FAM184B: variants seen among roughly 807,000 people sequenced by gnomAD.
FAM184B encodes the protein protein FAM184B.
FAM184B carries 111 observed loss-of-function variants against 135.9 expected under a neutral mutation model. The ratio of observed to expected loss-of-function variants is 0.82; its 90% CI spans 0.70 to 0.96. The LOEUF is 0.96. Ranked by LOEUF, FAM184B falls within the 40% of genes least tolerant of loss-of-function variation. The pLI is 0.00. For synonymous variants in FAM184B, 552 were observed against 524.8 expected, an observed-to-expected ratio of 1.05 and a Z score of -0.71; for missense variants, 1,375 against 1,323.9, an observed-to-expected ratio of 1.04 and a Z score of -0.60.
At chr4:17,637,077 A>G (rs1446764571) in intron 14 of FAM184B, among the ~76,000 whole-genome samples, 1 of 151,940 alleles carries the variant, frequency 6.6e-6, no homozygotes, top group African/African-American at 2.4e-5. Flanking sequence ...CCCAGGCTGC[A>G]GTGCAATGGC....
intron 1 of FAM184B, among the ~76,000 whole-genome samples, chr4:17,730,075 C>T (rs28844580): frequency 0.24 from 36,718 of 152,004 alleles, 5,015 homozygotes; most frequent in East Asian, 0.56. Context: ...CTTAAAGGAG[C>T]TAATGGAGCT....
chr4:17,767,199 C>T (rs979221383), intron 1 of FAM184B, among the ~76,000 whole-genome samples: 1 of 152,180 alleles, frequency 6.6e-6, no homozygotes, highest in Non-Finnish European at 1.5e-5. Flanking sequence ...CTGCACACCT[C>T]GTGGCAAGCA....
intron 1 of FAM184B, among the ~76,000 whole-genome samples, chr4:17,771,188 C>A (rs1349579273): frequency 6.6e-6 from 1 of 152,156 alleles, no homozygotes; most frequent in Non-Finnish European, 1.5e-5. Context: ...TCCACAGCAG[C>A]TGCATCATTT....
chr4:17,636,959 G>A (rs1168101697), intron 14 of FAM184B, among the ~76,000 whole-genome samples: 1 of 152,180 alleles, frequency 6.6e-6, no homozygotes, highest in African/African-American at 2.4e-5. Flanking sequence ...ATGTCCCGTA[G>A]GTTCTCTTAA....
rs1439728963 is a variant in FAM184B at position 17,768,657 on chromosome 4, A to ATT, written c.141+12501_141+12502insAA. 3.5e-3 allele frequency among the ~76,000 whole-genome samples: 537 copies of ATT among 152,270 alleles called. 8 individuals carry two copies. Among genetic ancestry groups the ATT allele is most frequent in the African/African-American group, 0.012 (506 of 41,554 alleles). ...ATGGTTTTCAGTTTTCAATTATCCA[A>ATT]AATGTCCAAATGACGTCGAATAAGA... is the stretch of plus-strand genomic sequence containing the variant. On this transcript the variant is annotated intron_variant, in intron 1 of 17. Coordinates refer to ENST00000265018, the MANE Select transcript of FAM184B (RefSeq NM_015688.2).
intron 1 of FAM184B, among the ~76,000 whole-genome samples, chr4:17,744,854 G>A (rs1465949108): frequency 2.0e-5 from 3 of 152,178 alleles, no homozygotes. Flanking sequence ...GTCTGATAGA[G>A]CCAGCTTGGG....
intron 7 of FAM184B, among the ~76,000 whole-genome samples, chr4:17,670,936 A>G (rs1420271392): frequency 2.0e-5 from 3 of 152,236 alleles, no homozygotes; most frequent in Non-Finnish European, 4.4e-5. Context: ...CATGTTGTGC[A>G]AATACCAAGT....
At chr4:17,728,477 A>C (rs1717694017) in intron 1 of FAM184B, among the ~76,000 whole-genome samples, 1 of 152,206 alleles carries the variant, frequency 6.6e-6, no homozygotes, top group South Asian at 2.1e-4. Context: ...GACTGCTGTG[A>C]GTTAAAGTAT....
intron 1 of FAM184B, among the ~76,000 whole-genome samples, chr4:17,750,810 G>T (rs1718273193): frequency 6.6e-6 from 1 of 152,002 alleles, no homozygotes; most frequent in African/African-American, 2.4e-5. Flanking sequence ...TGCCAACAAA[G>T]CCCCAGTTTT....
intron 13 of FAM184B, 110 bp from the exon 14 acceptor site, chr4:17,639,506 G>T: frequency 7.7e-7 from 1 of 1,291,732 alleles, no homozygotes; most frequent in Non-Finnish European, 1.1e-6. Flanking sequence ...TCTGGGTGGG[G>T]AGAAATTGTG....
intron 1 of FAM184B, among the ~76,000 whole-genome samples, chr4:17,742,861 G>A (rs1718074714): frequency 1.3e-5 from 2 of 152,208 alleles, no homozygotes; most frequent in Non-Finnish European, 2.9e-5. Flanking sequence ...CAAGAACCTG[G>A]GTGCCAAGAG....
At chr4:17,777,983 C>T (rs553272350) in intron 1 of FAM184B, among the ~76,000 whole-genome samples, 1 of 151,800 alleles carries the variant, frequency 6.6e-6, no homozygotes, top group African/African-American at 2.4e-5. Context: ...TGCTTGTAGT[C>T]CAGCTTGAGT....
chr4:17,775,819 G>A (rs1718913978), intron 1 of FAM184B, among the ~76,000 whole-genome samples: 1 of 152,150 alleles, frequency 6.6e-6, no homozygotes. Flanking sequence ...CACAGAATGT[G>A]GAATAATAGA....
chr4:17,642,066 C>T lies in FAM184B; in HGVS notation c.2509G>A (p.Asp837Asn), dbSNP rs541818051. The T allele has an allele frequency of 3.0e-4, 460 of 1,530,906 alleles. 5 individuals are homozygous for T. In the East Asian group the frequency reaches 9.0e-3, roughly 30 times the overall value. 94.8% of individuals were successfully genotyped at this position (1,530,906 alleles called of 1,614,324 possible). A position where few individuals can be genotyped will look rare whatever the true frequency, so the allele number is the denominator to read the frequency against. Residue 837 changes from aspartate (D) to asparagine (N), a missense_variant, in exon 13 of 18, where the codon GAC (aspartate) becomes AAC (asparagine). Asp to Asn is a conservative substitution (Grantham distance 23). Coordinates refer to ENST00000265018, the MANE Select transcript of FAM184B (RefSeq NM_015688.2). Reference sequence around the variant, plus strand: ...CGCCGGGTCACCCACCTGCGCTGGTCTCGGAGCTTCTGCGCCTCCTGCTGA... The same window carrying T: ...CGCCGGGTCACCCACCTGCGCTGGTTTCGGAGCTTCTGCGCCTCCTGCTGA... ...QHQQEAQKLR[D>N]QRRFLEETQQ...
At chr4:17,686,813 G>A (rs767961888) in intron 7 of FAM184B, among the ~76,000 whole-genome samples, 3 of 152,184 alleles carry the variant, frequency 2.0e-5, no homozygotes, top group Non-Finnish European at 4.4e-5. Context: ...CTGGTGGCAT[G>A]CACATGAGGT....
At chr4:17,654,443 G>A (rs1047178236) in intron 10 of FAM184B, among the ~76,000 whole-genome samples, 4 of 152,086 alleles carry the variant, frequency 2.6e-5, no homozygotes, top group East Asian at 1.9e-4. Context: ...TCAGCCTCCC[G>A]AAGTGTTGAG....
At chr4:17,699,826 G>T (rs1352878328) in intron 5 of FAM184B, among the ~76,000 whole-genome samples, 1 of 152,012 alleles carries the variant, frequency 6.6e-6, no homozygotes, top group East Asian at 1.9e-4. Flanking sequence ...TCTAAAATAT[G>T]GTTGTCCGTT....
At chr4:17,771,039 T>C (rs778121118) in intron 1 of FAM184B, among the ~76,000 whole-genome samples, 8 of 152,224 alleles carry the variant, frequency 5.3e-5, no homozygotes, top group Non-Finnish European at 1.0e-4. Context: ...CCTCCGTTGA[T>C]GGACATTTAG....
At chr4:17,681,192 A>T (rs546927494) in intron 7 of FAM184B, among the ~76,000 whole-genome samples, 1 of 152,300 alleles carries the variant, frequency 6.6e-6, no homozygotes, top group South Asian at 2.1e-4. Context: ...AGGCCCTGGT[A>T]CCACCCTTTG....
Sources: gnomAD v4.1 joint callset for allele counts (sites outside exome capture counted in the v4.1 genomes callset) on GRCh38, gnomAD v4.1.1 for gene constraint, MANE v1.5 for transcripts, NCBI Gene and HGNC (gene_info 2026-07-23, HGNC 2026-07-21) for gene names.